TRPC3: variants seen among roughly 807,000 people sequenced by gnomAD.
TRPC3 encodes the protein transient receptor potential cation channel subfamily C member 3.
In TRPC3, 54 loss-of-function variants were observed where a neutral mutation model predicts 90.9. The ratio of observed to expected loss-of-function variants is 0.59; its 90% confidence interval spans 0.48 to 0.75. The LOEUF (loss-of-function observed/expected upper bound fraction) is 0.75. TRPC3 is among the 30% of genes least tolerant of loss of function. The pLI is 0.00. For missense variants in TRPC3, 918 were observed against 1,194.5 expected, an observed-to-expected ratio of 0.77 and a Z score of 3.41; for synonymous variants, 424 against 450.9, an observed-to-expected ratio of 0.94 and a Z score of 0.75.
intron 1 of TRPC3, among the ~76,000 whole-genome samples, chr4:121,938,134 C>A (rs942261646): frequency 6.6e-6 from 1 of 152,040 alleles, no homozygotes; most frequent in Non-Finnish European, 1.5e-5. Flanking sequence ...CAGAGTTCTA[C>A]CCAGTGCCCC....
chr4:121,944,955 T>C (rs1181483548), intron 1 of TRPC3, among the ~76,000 whole-genome samples: 1 of 152,266 alleles, frequency 6.6e-6, no homozygotes, highest in African/African-American at 2.4e-5. Context: ...CTGGGGCTGC[T>C]GTGAATTAGA....
At position 121,925,003 on chromosome 4, in the gene TRPC3, A is replaced by C. The variant is rs1167199609; in HGVS notation, c.1176+15T>G. The C allele has an allele frequency of 6.2e-7, 1 of 1,603,964 alleles. No individual in the cohort carries two copies. Among genetic ancestry groups the C allele is most frequent in the African/African-American group, 1.3e-5 (1 of 74,540 alleles). On this transcript the variant is annotated intron_variant, in intron 3 of 11. Transcript: ENST00000379645. The stretch of plus-strand genomic sequence containing the variant: ...TTATTCTAATATGGCACTAGATGAA[A>C]GTAGGCCCACTCACCTTTTTGACTT...
chr4:121,909,858 T>G (rs1404413171), intron 6 of TRPC3, among the ~76,000 whole-genome samples: 1 of 152,134 alleles, frequency 6.6e-6, no homozygotes, highest in Non-Finnish European at 1.5e-5. Flanking sequence ...CTCCCAATAG[T>G]AATTATCTTA....
chr4:121,948,406 C>T (rs1416246854), intron 1 of TRPC3, among the ~76,000 whole-genome samples: 1 of 151,516 alleles, frequency 6.6e-6, no homozygotes, highest in Non-Finnish European at 1.5e-5. Flanking sequence ...TCCATTCCAC[C>T]AACACTACAC....
intron 2 of TRPC3, among the ~76,000 whole-genome samples, chr4:121,930,987 G>A (rs1300399847): frequency 1.3e-5 from 2 of 152,042 alleles, no homozygotes; most frequent in Non-Finnish European, 2.9e-5. Context: ...ATAAATGTGT[G>A]TAGCTTTTAC....
At chr4:121,899,048 C>G (rs1728613706) in intron 10 of TRPC3, among the ~76,000 whole-genome samples, 1 of 152,026 alleles carries the variant, frequency 6.6e-6, no homozygotes. Context: ...ACTTGATGAT[C>G]GAAATGATCA....
chr4:121,910,662 G>T (rs551421551), intron 5 of TRPC3, among the ~76,000 whole-genome samples: 1 of 152,280 alleles, frequency 6.6e-6, no homozygotes, highest in East Asian at 1.9e-4. Flanking sequence ...ATGAGAGGAG[G>T]TGGTGGAGGG....
Position 121,932,639 on chromosome 4 carries a change from T to A in TRPC3, c.619A>T (p.Thr207Ser). Residue 207 changes from threonine (T) to serine (S), a missense_variant, in exon 2 of 12, where the codon ACT becomes TCT. Transcript: ENST00000379645. The surrounding 1 kb of genome is among the most constrained non-coding windows in gnomAD (Gnocchi z 7.7). Reference protein sequence around the residue: ...HPGFAASKRLTLSPCEQELQD... With the variant: ...HPGFAASKRLSLSPCEQELQD... ...AGCTCCTGCTCACAGGGGCTCAGAG[T>A]GAGACGCTTGCTGGCCGCGAAGCCA... The A allele has an allele frequency of 6.2e-7, 1 of 1,612,774 alleles. No individual in the cohort carries two copies. The highest frequency in any genetic ancestry group is 1.3e-5 in the African/African-American group (1 of 75,032).
At chr4:121,894,055 C>T (rs1464495488) in intron 10 of TRPC3, among the ~76,000 whole-genome samples, 6 of 152,052 alleles carry the variant, frequency 3.9e-5, no homozygotes, top group African/African-American at 1.4e-4. Flanking sequence ...TTCAAATATA[C>T]TTTAACCAGA....
chr4:121,905,708 T>C (rs538577143), intron 7 of TRPC3, among the ~76,000 whole-genome samples: 2 of 152,278 alleles, frequency 1.3e-5, no homozygotes, highest in South Asian at 4.1e-4. Context: ...CAATGAATTT[T>C]ATAGATTTGT....
rs556485139 is a variant in TRPC3, at chr4:121,890,231, T to A, written c.2548-7802A>T. Among the ~76,000 whole-genome samples, 21 of 152,206 alleles carry A rather than the reference T, an allele frequency of 1.4e-4. No individual in the cohort carries two copies. In the South Asian group the frequency reaches 4.4e-3, roughly 32 times the overall value. ...CAAAGTTATAGTTAGATAGAAGAAG[T>A]AATTTAAGGTGTTACAGGGCACAGT... is the stretch of plus-strand genomic sequence containing the variant. On this transcript the variant is annotated intron_variant, in intron 10 of 11. Coordinates refer to ENST00000379645, the MANE Select transcript of TRPC3 (RefSeq NM_001130698.2).
At chr4:121,904,203 G>T in intron 8 of TRPC3, 119 bp downstream of exon 8, 1 of 815,608 alleles carries the variant, frequency 1.2e-6, no homozygotes, top group Non-Finnish European at 1.9e-6. Context: ...CTCAGGCTCT[G>T]TGTGGATATA....
At chr4:121,939,267 C>A (rs1482205307) in intron 1 of TRPC3, among the ~76,000 whole-genome samples, 10 of 152,004 alleles carry the variant, frequency 6.6e-5, no homozygotes, top group African/African-American at 2.4e-4. Context: ...CAGATTCTTA[C>A]AAGCAAAAAA....
chr4:121,912,873 C>T (rs1324849841), intron 4 of TRPC3, among the ~76,000 whole-genome samples: 1 of 152,226 alleles, frequency 6.6e-6, no homozygotes, highest in Non-Finnish European at 1.5e-5. Flanking sequence ...AAATGAAAAA[C>T]CATTCCTCCT....
At chr4:121,904,041 C>G (rs1298453756) in intron 8 of TRPC3, among the ~76,000 whole-genome samples, 1 of 152,080 alleles carries the variant, frequency 6.6e-6, no homozygotes, top group Non-Finnish European at 1.5e-5. Flanking sequence ...TCCTTAGGGC[C>G]AATACTTCTT....
chr4:121,942,351 C>G (rs915893037), intron 1 of TRPC3, among the ~76,000 whole-genome samples: 1 of 152,112 alleles, frequency 6.6e-6, no homozygotes, highest in African/African-American at 2.4e-5. Context: ...CACTTGAAGC[C>G]AGAAGTTCTA....
intron 1 of TRPC3, among the ~76,000 whole-genome samples, chr4:121,950,110 G>C (rs534993363): frequency 6.6e-6 from 1 of 152,320 alleles, no homozygotes; most frequent in South Asian, 2.1e-4. Flanking sequence ...CATTTCCTGG[G>C]CCGTTTCCAT....
chr4:121,932,785 T>C lies in TRPC3; in HGVS notation c.473A>G (p.Glu158Gly). The change falls in exon 2 of 12, where the codon GAG (glutamate) becomes GGG (glycine). Residue 158 changes from glutamate (E) to glycine (G), a missense_variant. By Grantham distance (98) the Glu-to-Gly change is moderately conservative (BLOSUM62 -2). Transcript: ENST00000379645. This position sits in a 1 kb window ranked among gnomAD's most constrained non-coding sequence, Gnocchi z 7.7. ...QNALQLAVGN[E>G]HLEVTELLLK... ...CAGCAGCTCGGTCACCTCCAGGTGC[T>C]CGTTGCCCACAGCCAGCTGCAGCGC... 1 of 1,611,758 alleles carries C rather than the reference T, an allele frequency of 6.2e-7. No individual in the cohort carries two copies. The highest frequency in any genetic ancestry group is 8.5e-7 in the Non-Finnish European group (1 of 1,178,332).
In TRPC3 at chr4:121,907,486, C is replaced by T. The variant is rs1728925373; in HGVS notation, c.1874G>A (p.Arg625Gln). Residue 625 changes from arginine to glutamine, a missense_variant, in exon 7 of 12, where the codon CGG (arginine) becomes CAG (glutamine). Physicochemically the swap from Arg to Gln is conservative, Grantham distance 43. Transcript: ENST00000379645. ...ATTTGCAGGGAGGATGTACGCAATC[C>T]GAGAGAAGCTGAGCACAACAGCTAT... The part of the protein sequence containing the change: ...YAIAVVLSFS[R>Q]IAYILPANES... The T allele has an allele frequency of 5.6e-6, 9 of 1,613,072 alleles. No homozygotes were observed. Among genetic ancestry groups the T allele is most frequent in the African/African-American group, 2.7e-5 (2 of 74,762 alleles).
Sources: allele counts gnomAD v4.1 joint callset (sites outside exome capture counted in the v4.1 genomes callset), GRCh38; gene constraint gnomAD v4.1.1; non-coding constraint Gnocchi (gnomAD v3.1); transcripts MANE v1.5; gene names NCBI Gene and HGNC (gene_info 2026-07-23, HGNC 2026-07-21).